Variants in SPATA6 observed in about 807,000 individuals in gnomAD.
The protein encoded by SPATA6 is spermatogenesis-associated protein 6.
In SPATA6, 56 loss-of-function variants were observed where a neutral mutation model predicts 65.3. The ratio of observed to expected loss-of-function variants is 0.86; its 90% confidence interval spans 0.69 to 1.07. The LOEUF (loss-of-function observed/expected upper bound fraction) is 1.07, where lower values mean the gene tolerates loss of function less well. Ranked by LOEUF, SPATA6 falls within the 50% of genes least tolerant of loss-of-function variation. The probability of loss-of-function intolerance (pLI) is 0.00; values close to 1 mark genes in which losing one functional copy is unlikely to be tolerated. For synonymous variants in SPATA6, 199 were observed against 213.2 expected (o/e 0.93, Z 0.58); for missense variants, 590 against 594.8 (o/e 0.99, Z 0.08).
rs982763447 is a variant in SPATA6, at chr1:48,355,715, T to C, written c.1149A>G (p.Val383=). 1.2e-6 allele frequency: 2 copies of C among 1,613,390 alleles called. No homozygotes were observed. Among genetic ancestry groups the C allele is most frequent in the South Asian group, 1.1e-5 (1 of 91,026 alleles). ...CCTGATGTGATTTCAAGACATTTTT[T>C]ACCCGGTCATGGATCTCATCGCAGT... ...PSNCDEIHDR[V]KNVLKSHQAH... is the part of the protein sequence containing the mutation. The change falls in exon 11 of 13, where the codon GTA becomes GTG. Residue 383 remains valine, a synonymous_variant. Coordinates refer to ENST00000371847, the MANE Select transcript of SPATA6 (RefSeq NM_019073.4).
intron 1 of SPATA6, among the ~76,000 whole-genome samples, chr1:48,468,206 G>A (rs1657959971): frequency 6.6e-6 from 1 of 152,178 alleles, no homozygotes; most frequent in Admixed American, 6.5e-5. Context: ...GTAGGTGTGT[G>A]TGTGAGGGGG....
intron 11 of SPATA6, among the ~76,000 whole-genome samples, chr1:48,318,325 G>T (rs554728547): frequency 6.6e-6 from 1 of 151,972 alleles, no homozygotes; most frequent in East Asian, 1.9e-4. Flanking sequence ...AGATCAGAAA[G>T]GAAATAAAAA....
chr1:48,290,643 T>C (rs982249192), downstream of SPATA6, among the ~76,000 whole-genome samples: 12 of 151,892 alleles, frequency 7.9e-5, no homozygotes, highest in Admixed American at 3.3e-4. Flanking sequence ...AATAAAGGGA[T>C]GGAGGAAGAT....
At position 48,448,757 on chromosome 1, in the gene SPATA6, C is replaced by T. The variant is rs1656297498; in HGVS notation, c.238+2795G>A. On this transcript the variant is annotated intron_variant, in intron 3 of 12. Transcript: ENST00000371847. ...GAACAACATGAATGATTCTGAAAAA[C>T]ATTACTCTAAATGAAAAGAAGCCAG... Among the ~76,000 whole-genome samples the T allele has an allele frequency of 3.3e-5, 5 of 152,090 alleles. No homozygotes were observed. The South Asian group carries it at 1.0e-3, about 31-fold the overall frequency.
intron 1 of SPATA6, among the ~76,000 whole-genome samples, chr1:48,468,117 T>C (rs1441870921): frequency 6.6e-6 from 1 of 152,232 alleles, no homozygotes; most frequent in Non-Finnish European, 1.5e-5. Flanking sequence ...CTCATATTCA[T>C]TGCTGCATTA....
At chr1:48,271,790 T>C in the SPATA6 span, among the ~76,000 whole-genome samples, 2 of 152,120 alleles carry the variant, frequency 1.3e-5, no homozygotes, top group African/African-American at 4.8e-5. Flanking sequence ...AATAAAGATA[T>C]GTCCAGTTTG....
At chr1:48,335,437 T>C (rs543962995) in intron 11 of SPATA6, among the ~76,000 whole-genome samples, 33 of 151,270 alleles carry the variant, frequency 2.2e-4, no homozygotes, top group African/African-American at 8.0e-4. Context: ...CATACAAAAG[T>C]AGACACATAG....
intron 9 of SPATA6, among the ~76,000 whole-genome samples, chr1:48,366,942 A>C (rs1647038690): frequency 6.6e-6 from 1 of 151,824 alleles, no homozygotes; most frequent in South Asian, 2.1e-4. Flanking sequence ...CAGTGCTATA[A>C]ATTTCCCTCT....
intron 1 of SPATA6, among the ~76,000 whole-genome samples, chr1:48,469,354 G>T (rs1658051428): frequency 6.6e-6 from 1 of 151,856 alleles, no homozygotes; most frequent in African/African-American, 2.4e-5. Context: ...TTAAAAAGTT[G>T]GGGAGAAAGA....
At chr1:48,464,601 T>C (rs1368746830) in intron 1 of SPATA6, among the ~76,000 whole-genome samples, 2 of 152,198 alleles carry the variant, frequency 1.3e-5, no homozygotes, top group Non-Finnish European at 2.9e-5. Flanking sequence ...AAAAGGGCTA[T>C]TGCCTCATAA....
intron 7 of SPATA6, among the ~76,000 whole-genome samples, chr1:48,395,772 C>A (rs540434950): frequency 6.6e-6 from 1 of 151,862 alleles, no homozygotes; most frequent in Non-Finnish European, 1.5e-5. Flanking sequence ...GCTTTCAGAG[C>A]CCAGCATGCT....
chr1:48,450,397 C>A (rs1193576822), intron 3 of SPATA6, among the ~76,000 whole-genome samples: 3 of 148,852 alleles, frequency 2.0e-5, no homozygotes, highest in African/African-American at 7.4e-5. Flanking sequence ...AAATAATAAC[C>A]ACTAAGTACT....
intron 3 of SPATA6, among the ~76,000 whole-genome samples, chr1:48,448,961 T>C (rs1656317230): frequency 1.3e-5 from 2 of 152,248 alleles, no homozygotes; most frequent in South Asian, 4.1e-4. Context: ...ATGATGATGA[T>C]ACACAATTGT....
intron 11 of SPATA6, among the ~76,000 whole-genome samples, chr1:48,313,061 T>C (rs1004555168): frequency 1.2e-4 from 19 of 152,210 alleles, no homozygotes; most frequent in African/African-American, 4.3e-4. Context: ...ACCAAATCTG[T>C]GTCTGATTGG....
chr1:48,362,131 G>A (rs1004456452), intron 9 of SPATA6, among the ~76,000 whole-genome samples: 8 of 152,148 alleles, frequency 5.3e-5, no homozygotes, highest in African/African-American at 1.7e-4. Flanking sequence ...GCTCACATCT[G>A]TAGTCTCAAC....
At chr1:48,444,880 A>G (rs1256646277) in intron 3 of SPATA6, among the ~76,000 whole-genome samples, 1 of 152,168 alleles carries the variant, frequency 6.6e-6, no homozygotes, top group Non-Finnish European at 1.5e-5. Context: ...GAATCATTTG[A>G]TCTGGGGTTA....
rs565060490 is a variant in SPATA6, at chr1:48,421,040, G to T, written c.239-7889C>A. ...GATAGTAATAACCAGAGCTTGGGTA[G>T]GTTAAGAGGAAGAGAGGATGAGGAA... is the stretch of plus-strand genomic sequence containing the variant. On this transcript the variant is annotated intron_variant, in intron 3 of 12. Coordinates refer to ENST00000371847, the MANE Select transcript of SPATA6 (RefSeq NM_019073.4). Among the ~76,000 whole-genome samples the T allele has an allele frequency of 1.1e-3, 171 of 152,260 alleles. 1 individual carries two copies. In the Middle Eastern group the frequency reaches 0.02, roughly 18 times the overall value.
chr1:48,280,260 A>G, the SPATA6 span, among the ~76,000 whole-genome samples: 13 of 152,338 alleles, frequency 8.5e-5, no homozygotes, highest in East Asian at 2.1e-3. Flanking sequence ...CCCTAACATC[A>G]CAATTAAAAG....
At chr1:48,318,629 A>G (rs1366551313) in intron 11 of SPATA6, among the ~76,000 whole-genome samples, 1 of 152,154 alleles carries the variant, frequency 6.6e-6, no homozygotes, top group Admixed American at 6.5e-5. Flanking sequence ...ACATAAATAA[A>G]TTTTTAAAGT....
Sources: gnomAD v4.1 joint callset for allele counts (sites outside exome capture counted in the v4.1 genomes callset) on GRCh38, gnomAD v4.1.1 for gene constraint, MANE v1.5 for transcripts, NCBI Gene and HGNC (gene_info 2026-07-23, HGNC 2026-07-21) for gene names.